The following BEND6 variants were observed in gnomAD, a reference collection of about 807,000 sequenced individuals.
BEND6 encodes BEN domain containing 6.
In BEND6, 24 loss-of-function variants were observed where a neutral mutation model predicts 31.8. That is an observed-to-expected ratio of 0.75 (90% confidence interval 0.55 to 1.06). BEND6 has a LOEUF of 1.06. BEND6 is among the 50% of genes least tolerant of loss of function. The pLI, the probability that BEND6 is intolerant of heterozygous loss-of-function variation, is 0.00. For synonymous variants in BEND6, 109 were observed against 114.6 expected, an observed-to-expected ratio of 0.95 and a Z score of 0.31; for missense variants, 294 against 327.4, an observed-to-expected ratio of 0.90 and a Z score of 0.79.
rs900608992 is a variant in BEND6 at position 56,992,643 on chromosome 6, A to G, written c.298+88A>G. The G allele has an allele frequency of 4.3e-6, 6 of 1,388,118 alleles. No homozygotes were observed. In the African/African-American group the frequency reaches 8.8e-5, roughly 20 times the overall value. 86.0% of individuals were successfully genotyped at this position (1,388,118 alleles called of 1,614,324 possible). On this transcript the variant is annotated intron_variant, in intron 3 of 6. Transcript: ENST00000370746. ...TGCAAATTAGCTGTCAAGAATGAAGAAGAAAATCCACACCTCTGGGAGCTC... is the reference window on the plus strand; with the variant it reads ...TGCAAATTAGCTGTCAAGAATGAAGGAGAAAATCCACACCTCTGGGAGCTC...
At chr6:56,976,406 A>G (rs1254170207) in intron 1 of BEND6, among the ~76,000 whole-genome samples, 5 of 152,086 alleles carry the variant, frequency 3.3e-5, no homozygotes, top group African/African-American at 1.2e-4. Context: ...CGTGTTAGCC[A>G]GGATGGTCTC....
At chr6:56,991,913 G>A (rs1826517776) in intron 2 of BEND6, among the ~76,000 whole-genome samples, 1 of 152,072 alleles carries the variant, frequency 6.6e-6, no homozygotes, top group Admixed American at 6.6e-5. Flanking sequence ...GTTTGTAGCT[G>A]GCACATAGAA....
At chr6:57,023,707 G>A (rs149160167) in intron 6 of BEND6, among the ~76,000 whole-genome samples, 166 of 152,312 alleles carry the variant, frequency 1.1e-3, no homozygotes, top group African/African-American at 3.9e-3. Context: ...TTGGGCTCCA[G>A]CGATCTTCCT....
intron 3 of BEND6, among the ~76,000 whole-genome samples, chr6:57,003,512 G>GCAACAACAA (rs371966915): frequency 6.8e-6 from 1 of 146,528 alleles, no homozygotes; most frequent in Non-Finnish European, 1.5e-5. Flanking sequence ...AAAACAAACA[G>GCAACAACAA]CAACAACAAC....
intron 2 of BEND6, among the ~76,000 whole-genome samples, chr6:56,984,652 T>C (rs1298399105): frequency 6.6e-6 from 1 of 152,232 alleles, no homozygotes; most frequent in Non-Finnish European, 1.5e-5. Flanking sequence ...CCATTGAAAT[T>C]CACTATAGCC....
Position 57,018,435 on chromosome 6 carries a change from T to C in BEND6, c.727T>C (p.Leu243=). The change falls in exon 6 of 7, where the codon TTA becomes CTA. Residue 243 remains leucine, a synonymous_variant. Coordinates refer to ENST00000370746, the MANE Select transcript of BEND6 (RefSeq NM_152731.3). ...GTTTTTTACAGGAGTAACAAAACAA[T>C]TATTTCCCAATACGGATGATGTTTC... ...VQEIIGVTKQ[L]FPNTDDVSIR... The C allele has an allele frequency of 6.3e-7, 1 of 1,583,538 alleles. No individual in the cohort carries two copies. The highest frequency in any genetic ancestry group is 1.2e-5 in the South Asian group (1 of 84,136).
chr6:57,015,718 TG>T (rs1285297028), intron 4 of BEND6, among the ~76,000 whole-genome samples: 1 of 146,386 alleles, frequency 6.8e-6, no homozygotes, highest in Non-Finnish European at 1.5e-5. Context: ...GGCAGGAGAA[TG>T]GCATGAACCC....
intron 1 of BEND6, among the ~76,000 whole-genome samples, chr6:56,959,915 T>A (rs569693665): frequency 1.3e-5 from 2 of 152,294 alleles, no homozygotes; most frequent in Admixed American, 1.3e-4. Flanking sequence ...GCCGAAGCCA[T>A]GATAATTCCA....
chr6:56,975,128 T>G (rs939899460), intron 1 of BEND6, among the ~76,000 whole-genome samples: 2 of 151,608 alleles, frequency 1.3e-5, no homozygotes, highest in African/African-American at 4.9e-5. Flanking sequence ...AAAATAATAA[T>G]AAAACAAAAT....
intron 6 of BEND6, among the ~76,000 whole-genome samples, chr6:57,019,592 C>T (rs374908174): frequency 2.3e-4 from 35 of 152,270 alleles, no homozygotes; most frequent in Middle Eastern, 3.4e-3. Context: ...CTGCCCCAAA[C>T]GCCCTACATG....
chr6:56,985,749 T>G (rs770337651), intron 2 of BEND6, among the ~76,000 whole-genome samples: 28 of 152,222 alleles, frequency 1.8e-4, no homozygotes, highest in Non-Finnish European at 3.4e-4. Flanking sequence ...GTCTCTGCAC[T>G]GTCCATTTTT....
chr6:56,968,384 G>A (rs1233251054), intron 1 of BEND6, among the ~76,000 whole-genome samples: 1 of 127,858 alleles, frequency 7.8e-6, no homozygotes, highest in Non-Finnish European at 1.6e-5. Context: ...GCAGCAACAG[G>A]AACACAGCTC....
At chr6:56,986,973 CTTT>C (rs869195941) in intron 2 of BEND6, among the ~76,000 whole-genome samples, 9,548 of 123,650 alleles carry the variant, frequency 0.077, 349 homozygotes, top group East Asian at 0.18. Context: ...TGTTTCTTTT[CTTT>C]TTTTTTTTTT....
At chr6:56,998,852 C>T (rs1164324927) in intron 3 of BEND6, among the ~76,000 whole-genome samples, 2 of 152,122 alleles carry the variant, frequency 1.3e-5, no homozygotes, top group African/African-American at 4.8e-5. Flanking sequence ...AGTGAAGAGA[C>T]AACCTCTGAA....
Position 57,017,242 on chromosome 6 carries a change from CAA to C in BEND6, c.556_557del (p.Lys186GlufsTer8). 1 of 1,560,558 alleles carries C rather than the reference CAA, an allele frequency of 6.4e-7. No homozygotes were observed. The highest frequency in any genetic ancestry group is 1.2e-5 in the South Asian group (1 of 84,088). On this transcript the variant is annotated frameshift_variant, in exon 5 of 7. Transcript: ENST00000370746. LOFTEE classifies it high-confidence loss of function. The stretch of plus-strand genomic sequence containing the variant: ...AAAAATGGCAGATTGCCCGTTGTAA[CAA>C]GAGCAAGCCTCAGAAGTTTATTAAT... ...IEKWQIARCNKSKPQKFINDL... is the reference protein window; with the variant it reads ...IEKWQIARCNXSKPQKFINDL...
At chr6:56,956,525 T>C (rs533877660) in intron 1 of BEND6, among the ~76,000 whole-genome samples, 46 of 152,340 alleles carry the variant, frequency 3.0e-4, no homozygotes, top group African/African-American at 1.0e-3. Context: ...AACAGATACG[T>C]TTTGTTTACA....
At chr6:57,020,377 G>A (rs1477423856) in intron 6 of BEND6, among the ~76,000 whole-genome samples, 1 of 150,562 alleles carries the variant, frequency 6.6e-6, no homozygotes, top group African/African-American at 2.4e-5. Flanking sequence ...CTCCTCAAAT[G>A]TCAGAAAGCA....
chr6:56,956,030 G>C (rs545539979), intron 1 of BEND6, among the ~76,000 whole-genome samples: 1 of 152,236 alleles, frequency 6.6e-6, no homozygotes, highest in African/African-American at 2.4e-5. Flanking sequence ...GCCAGGAAGC[G>C]GCTGCTGCAG....
chr6:56,967,072 A>G (rs1562535432), intron 1 of BEND6, among the ~76,000 whole-genome samples: 2 of 151,038 alleles, frequency 1.3e-5, no homozygotes, highest in African/African-American at 2.4e-5. Flanking sequence ...TCAGATGTCC[A>G]TAGGGAGATA....
Sources: gnomAD v4.1 joint callset for allele counts (sites outside exome capture counted in the v4.1 genomes callset) on GRCh38, gnomAD v4.1.1 for gene constraint, MANE v1.5 for transcripts, NCBI Gene and HGNC (gene_info 2026-07-23, HGNC 2026-07-21) for gene names.